The following SULF1 variants were observed in gnomAD, a reference collection of about 807,000 sequenced individuals.
The protein encoded by SULF1 is sulfatase 1, also known as extracellular sulfatase Sulf-1.
In SULF1, 46 loss-of-function variants were observed where a neutral mutation model predicts 110.5. The observed-to-expected ratio is 0.42, with a 90% CI of 0.33 to 0.53. The LOEUF (loss-of-function observed/expected upper bound fraction) is 0.53, where lower values mean the gene tolerates loss of function less well. SULF1 is among the 20% of genes least tolerant of loss of function. The pLI, the probability that SULF1 is intolerant of heterozygous loss-of-function variation, is 0.12. For missense variants in SULF1, 941 were observed against 1,094.2 expected, an observed-to-expected ratio of 0.86 and a Z score of 1.98; for synonymous variants, 371 against 387.1, an observed-to-expected ratio of 0.96 and a Z score of 0.49.
At chr8:69,521,951 G>T (rs1157484765) in intron 3 of SULF1, among the ~76,000 whole-genome samples, 2 of 151,242 alleles carry the variant, frequency 1.3e-5, no homozygotes, top group African/African-American at 4.9e-5. Context: ...CTATTTTTTT[G>T]AAGATAGAGC....
In SULF1 at chr8:69,576,137, T is replaced by G; in HGVS notation, c.340T>G (p.Ser114Ala). The G allele has an allele frequency of 6.2e-7, 1 of 1,614,156 alleles. No homozygotes were observed. The highest frequency in any genetic ancestry group is 8.5e-7 in the Non-Finnish European group (1 of 1,180,032). ...CTACACCAACAACGAGAACTGCTCTTCCCCCTCGTGGCAGGCCATGCATGA... is the reference window on the plus strand; with the variant it reads ...CTACACCAACAACGAGAACTGCTCTGCCCCCTCGTGGCAGGCCATGCATGA... ...NVYTNNENCS[S>A]PSWQAMHEPR... is the part of the protein sequence containing the mutation. Residue 114 changes from serine to alanine, a missense_variant, in exon 6 of 23, where the codon TCC becomes GCC. Transcript: ENST00000402687.
At chr8:69,561,212 T>C (rs1815461469) in intron 3 of SULF1, among the ~76,000 whole-genome samples, 1 of 152,176 alleles carries the variant, frequency 6.6e-6, no homozygotes, top group Non-Finnish European at 1.5e-5. Flanking sequence ...TGTACACATA[T>C]ATCAAAACAT....
chr8:69,597,278 T>G (rs928062327), intron 8 of SULF1: 1 of 152,176 alleles, frequency 6.6e-6, no homozygotes, highest in African/African-American at 2.4e-5. Context: ...TCAACAACAT[T>G]GTCAATTCCA....
chr8:69,598,564 G>T (rs1312208397), intron 8 of SULF1, among the ~76,000 whole-genome samples: 1 of 152,100 alleles, frequency 6.6e-6, no homozygotes, highest in East Asian at 1.9e-4. Context: ...GCTAATTTTT[G>T]TATTTTTAGT....
intron 22 of SULF1, among the ~76,000 whole-genome samples, chr8:69,656,997 A>G (rs1192976514): frequency 6.6e-6 from 1 of 152,158 alleles, no homozygotes; most frequent in Non-Finnish European, 1.5e-5. Flanking sequence ...GTTTCTTGAC[A>G]TTTTAATAAT....
At chr8:69,583,718 G>T (rs1236861493) in intron 6 of SULF1, among the ~76,000 whole-genome samples, 1 of 152,226 alleles carries the variant, frequency 6.6e-6, no homozygotes, top group Non-Finnish European at 1.5e-5. Context: ...AGGATGGAGA[G>T]TGCCTCAGAG....
chr8:69,474,554 TCTC>T (rs1809224020), intron 1 of SULF1, among the ~76,000 whole-genome samples: 1 of 152,148 alleles, frequency 6.6e-6, no homozygotes, highest in Non-Finnish European at 1.5e-5. Context: ...CAAATCATGT[TCTC>T]TTTTTTTCTT....
At chr8:69,481,180 C>T (rs1241226762) in intron 1 of SULF1, among the ~76,000 whole-genome samples, 2 of 152,052 alleles carry the variant, frequency 1.3e-5, no homozygotes, top group Admixed American at 6.6e-5. Flanking sequence ...AGAGCATTTT[C>T]GTTCATATTT....
intron 19 of SULF1, 114 bp from the exon 20 acceptor site, chr8:69,638,387 TA>T: frequency 4.1e-6 from 5 of 1,229,096 alleles, no homozygotes; most frequent in Non-Finnish European, 5.6e-6. Context: ...ACAATATTTA[TA>T]AGAAAGAAAT....
intron 22 of SULF1, among the ~76,000 whole-genome samples, chr8:69,652,291 A>C (rs1442534529): frequency 6.6e-6 from 1 of 152,190 alleles, no homozygotes; most frequent in Non-Finnish European, 1.5e-5. Context: ...CAGGTAAAGG[A>C]ACTTGTCCAT....
intron 5 of SULF1, among the ~76,000 whole-genome samples, chr8:69,565,231 T>C (rs1386456859): frequency 1.3e-5 from 2 of 152,174 alleles, no homozygotes; most frequent in Non-Finnish European, 2.9e-5. Context: ...CAACTTTTTT[T>C]TTTTTTTAAC....
At chr8:69,476,434 T>G (rs1299764089) in intron 1 of SULF1, among the ~76,000 whole-genome samples, 6 of 152,200 alleles carry the variant, frequency 3.9e-5, no homozygotes, top group Admixed American at 3.9e-4. Flanking sequence ...AGTAGAAGAT[T>G]GTGTTTGCCT....
At chr8:69,529,443 T>A (rs1473259339) in intron 3 of SULF1, among the ~76,000 whole-genome samples, 4 of 152,216 alleles carry the variant, frequency 2.6e-5, no homozygotes, top group African/African-American at 9.6e-5. Flanking sequence ...TTGCTCTTTT[T>A]TAGAAACTTA....
chr8:69,605,630 A>G (rs1402687735), intron 13 of SULF1, among the ~76,000 whole-genome samples: 1 of 152,234 alleles, frequency 6.6e-6, no homozygotes, highest in Non-Finnish European at 1.5e-5. Context: ...AAACCAGTTT[A>G]AAACCATTGA....
At chr8:69,489,073 A>C (rs1337026760), upstream of SULF1, among the ~76,000 whole-genome samples, 1 of 152,084 alleles carries the variant, frequency 6.6e-6, no homozygotes, top group Non-Finnish European at 1.5e-5. Flanking sequence ...GGGAGCTCAC[A>C]GTTAGGCCTT....
intron 3 of SULF1, among the ~76,000 whole-genome samples, chr8:69,515,553 G>T (rs973645822): frequency 1.2e-4 from 19 of 152,132 alleles, no homozygotes; most frequent in Admixed American, 1.0e-3. Context: ...CATCGTCTTG[G>T]CTATTAACAT....
intron 3 of SULF1, among the ~76,000 whole-genome samples, chr8:69,541,179 A>G (rs760999446): frequency 2.0e-5 from 3 of 152,162 alleles, no homozygotes; most frequent in Non-Finnish European, 2.9e-5. Flanking sequence ...TTAATTTCCC[A>G]CTAAATTCAA....
intron 3 of SULF1, among the ~76,000 whole-genome samples, chr8:69,502,572 T>C (rs59047060): frequency 0.33 from 49,379 of 151,924 alleles, 8,341 homozygotes; most frequent in Non-Finnish European, 0.37. Flanking sequence ...AGTTGCTCCC[T>C]TTCACCCCTA....
At chr8:69,545,040 A>G (rs1563516408) in intron 3 of SULF1, among the ~76,000 whole-genome samples, 1 of 151,976 alleles carries the variant, frequency 6.6e-6, no homozygotes, top group African/African-American at 2.4e-5. Context: ...ATGGCATAAT[A>G]AAATATACTT....
Sources: gnomAD v4.1 joint callset for allele counts (sites outside exome capture counted in the v4.1 genomes callset) on GRCh38, gnomAD v4.1.1 for gene constraint, MANE v1.5 for transcripts, NCBI Gene and HGNC (gene_info 2026-07-23, HGNC 2026-07-21) for gene names.